The following CECR2 variants were observed in gnomAD, a reference collection of about 807,000 sequenced individuals.
CECR2 encodes chromatin remodeling regulator CECR2.
A neutral mutation model predicts 154.5 loss-of-function variants in CECR2; 30 were observed. That is an observed-to-expected ratio of 0.19 (90% CI 0.15 to 0.26). CECR2 has a LOEUF of 0.26. Ranked by LOEUF, CECR2 falls within the 10% of genes least tolerant of loss-of-function variation. The pLI is 1.00. For missense variants in CECR2, 1,743 were observed against 1,829.3 expected, an observed-to-expected ratio of 0.95 and a Z score of 0.86; for synonymous variants, 725 against 683.7, an observed-to-expected ratio of 1.06 and a Z score of -0.94.
At position 17,542,614 on chromosome 22, in the gene CECR2, C is replaced by T. The variant is rs1015121618; in HGVS notation, c.2471C>T (p.Thr824Ile). 12 of 1,614,030 alleles carry T rather than the reference C, an allele frequency of 7.4e-6. No homozygotes were observed. The highest frequency in any genetic ancestry group is 1.0e-5 in the Non-Finnish European group (12 of 1,179,894). The change falls in exon 16 of 19, where the codon ACT (threonine) becomes ATT (isoleucine). Residue 824 changes from threonine to isoleucine, a missense_variant. Physicochemically the swap from Thr to Ile is moderately conservative, Grantham distance 89 (BLOSUM62 -1). This residue lies in a region of CECR2 where 1,250 missense variants were observed against 1,192.1 expected (regional missense o/e 1.05). Transcript: ENST00000262608. ...MRPPVPPNQW[T>I]EQSGFLPHGV... The stretch of plus-strand genomic sequence containing the variant: ...CCACCTGTCCCCCCCAACCAGTGGA[C>T]TGAACAATCAGGCTTCCTACCTCAT...
At chr22:17,520,731 T>C (rs527918858) in intron 8 of CECR2, among the ~76,000 whole-genome samples, 3 of 152,278 alleles carry the variant, frequency 2.0e-5, no homozygotes, top group African/African-American at 7.2e-5. Flanking sequence ...GCTTCATTCA[T>C]GTCCCTGCAA....
chr22:17,462,361 A>AAAT (rs1205605229), intron 1 of CECR2, among the ~76,000 whole-genome samples: 11 of 151,760 alleles, frequency 7.2e-5, no homozygotes, highest in Non-Finnish European at 1.6e-4. Flanking sequence ...ACTCCATCTG[A>AAAT]AATAATAATA....
chr22:17,423,072 C>T (rs2054280751), intron 1 of CECR2, among the ~76,000 whole-genome samples: 1 of 152,026 alleles, frequency 6.6e-6, no homozygotes, highest in South Asian at 2.1e-4. Context: ...TTTTAGTGTG[C>T]CTTGCAGTTT....
At chr22:17,484,294 A>G (rs765631480) in intron 2 of CECR2, among the ~76,000 whole-genome samples, 8 of 152,148 alleles carry the variant, frequency 5.3e-5, no homozygotes, top group African/African-American at 9.7e-5. Flanking sequence ...GATTCAAGCA[A>G]TCTTCCTGCC....
Position 17,511,935 on chromosome 22 carries a change from A to G in CECR2, c.954+39A>G, listed in dbSNP as rs117314088. The G allele has an allele frequency of 1.0e-4, 147 of 1,476,354 alleles. No homozygotes were observed. The East Asian group carries it at 3.2e-3, about 32-fold the overall frequency. 91.5% of individuals were successfully genotyped at this position (1,476,354 alleles called of 1,614,324 possible). On this transcript the variant is annotated intron_variant, in intron 8 of 18. Transcript: ENST00000262608. ...AGAGTAGCGAGGAGGAGCTTTCCTG[A>G]TGAAAGAGACGGATCCTTTTCATGT...
intron 1 of CECR2, among the ~76,000 whole-genome samples, chr22:17,433,378 T>C (rs12157303): frequency 0.08 from 12,118 of 152,198 alleles, 1,019 homozygotes; most frequent in African/African-American, 0.22. Context: ...CATGTGTTGA[T>C]TTGCTCAAAG....
intron 1 of CECR2, among the ~76,000 whole-genome samples, chr22:17,470,392 CAAAAAAAAAAA>C (rs5844313): frequency 3.0e-5 from 3 of 99,830 alleles, no homozygotes; most frequent in East Asian, 3.1e-4. Context: ...GACTCCGTCT[CAAAAAAAAAAA>C]AAAAAGAAAA....
At chr22:17,468,432 CA>C (rs1187473376) in intron 1 of CECR2, among the ~76,000 whole-genome samples, 1 of 152,158 alleles carries the variant, frequency 6.6e-6, no homozygotes, top group Non-Finnish European at 1.5e-5. Flanking sequence ...GTAATCCCAG[CA>C]CTTTGGGAGG....
intron 1 of CECR2, among the ~76,000 whole-genome samples, chr22:17,377,725 C>G (rs1438889406): frequency 3.9e-5 from 6 of 152,230 alleles, no homozygotes; most frequent in Non-Finnish European, 8.8e-5. Context: ...TCATGGGATG[C>G]TATCCCTTGG....
chr22:17,546,072 A>T (rs531521250), intron 16 of CECR2, among the ~76,000 whole-genome samples: 4 of 152,098 alleles, frequency 2.6e-5, no homozygotes, highest in African/African-American at 9.6e-5. Context: ...AAGAAAAAAA[A>T]TGGTTAGGGG....
At chr22:17,510,798 G>A (rs889364854) in intron 7 of CECR2, among the ~76,000 whole-genome samples, 8 of 152,038 alleles carry the variant, frequency 5.3e-5, no homozygotes, top group Admixed American at 1.3e-4. Flanking sequence ...GTAGAGATGG[G>A]GTTTCACCAT....
chr22:17,369,298 C>G (rs1447754504), upstream of CECR2: 5 of 150,152 alleles, frequency 3.3e-5, no homozygotes, highest in Non-Finnish European at 6.0e-5. Context: ...GATCTGGGCC[C>G]GGGGGCGCGC....
chr22:17,552,773 A>ATTTTTTTTTTTTTTTTTTTTTTTT, intron 18 of CECR2, 62 bp from the exon 19 acceptor site: 1 of 395,766 alleles, frequency 2.5e-6, no homozygotes. Flanking sequence ...GGCTTACTTA[A>ATTTTTTTTTTTTTTTTTTTTTTTT]GTTTTTTTTT....
At chr22:17,404,265 C>T (rs1285665261) in intron 1 of CECR2, among the ~76,000 whole-genome samples, 1 of 121,800 alleles carries the variant, frequency 8.2e-6, no homozygotes, top group African/African-American at 3.2e-5. Context: ...TCCCCATCCC[C>T]CCGACCCCCC....
At chr22:17,500,491 T>G (rs2055717335) in intron 4 of CECR2, 140 bp from the exon 5 acceptor site, 1 of 609,572 alleles carries the variant, frequency 1.6e-6, no homozygotes, top group Admixed American at 3.0e-5. Flanking sequence ...TAATGAAGAC[T>G]GGAAGTTGCT....
Position 17,505,534 on chromosome 22 carries a change from C to CTTTTTTTT in CECR2, c.870+534_870+541dup, listed in dbSNP as rs11387639. The stretch of plus-strand genomic sequence containing the variant: ...TCAAACATCCTTCATCCTCTTTTTC[C>CTTTTTTTT]TTTTTTTTTTTTTTTTTTTTTTTGA... On this transcript the variant is annotated intron_variant, in intron 7 of 18. Coordinates refer to ENST00000262608, the MANE Select transcript of CECR2 (RefSeq NM_001290047.2). Among the ~76,000 whole-genome samples, 92 of 98,838 alleles carry CTTTTTTTT rather than the reference C, an allele frequency of 9.3e-4. 2 individuals are homozygous for CTTTTTTTT. Among genetic ancestry groups the CTTTTTTTT allele is most frequent in the African/African-American group, 2.2e-3 (52 of 24,042 alleles). The allele number at this position is 98,838 out of a possible 152,430, so 64.8% of individuals were successfully genotyped here.
intron 5 of CECR2, 72 bp from the exon 6 acceptor site, chr22:17,503,010 A>G: frequency 2.2e-6 from 3 of 1,368,152 alleles, no homozygotes; most frequent in Non-Finnish European, 3.1e-6. Context: ...GGGTTCTACC[A>G]TCCTGGGGTG....
chr22:17,405,666 A>ATTTTT lies in CECR2; in HGVS notation c.126+35761_126+35762insTTTTT, dbSNP rs1179597381. ...AAAAAAAAAAAAAAAAAAAAAAAAA[A>ATTTTT]TTTTCAATTGTTTGCTAGTATTAGA... is the stretch of plus-strand genomic sequence containing the variant. On this transcript the variant is annotated intron_variant, in intron 1 of 18. Transcript: ENST00000262608. Among the ~76,000 whole-genome samples the ATTTTT allele has an allele frequency of 1.3e-3, 167 of 128,478 alleles. 11 individuals are homozygous for ATTTTT. The highest frequency in any genetic ancestry group is 3.4e-3 in the African/African-American group (121 of 35,774). The allele number at this position is 128,478 out of a possible 152,430, so 84.3% of individuals were successfully genotyped here. A position where few individuals can be genotyped will look rare whatever the true frequency, so the allele number is the denominator to read the frequency against.
At chr22:17,533,395 C>T (rs1168066662) in intron 9 of CECR2, among the ~76,000 whole-genome samples, 1 of 151,080 alleles carries the variant, frequency 6.6e-6, no homozygotes, top group African/African-American at 2.4e-5. Flanking sequence ...CGTGGGAGGC[C>T]GAGGTGGACG....
Sources: allele counts gnomAD v4.1 joint callset (sites outside exome capture counted in the v4.1 genomes callset), GRCh38; gene constraint gnomAD v4.1.1; regional missense constraint gnomAD v4.1.1; transcripts MANE v1.5; gene names NCBI Gene and HGNC (gene_info 2026-07-23, HGNC 2026-07-21).